Variants in UNC5B observed in about 807,000 individuals in gnomAD.
UNC5B encodes the protein netrin receptor UNC5B.
A neutral mutation model predicts 103.7 loss-of-function variants in UNC5B; 56 were observed. That is an observed-to-expected ratio of 0.54 (90% CI 0.44 to 0.67). UNC5B has a LOEUF of 0.67. Ranked by LOEUF, UNC5B falls within the 30% of genes least tolerant of loss-of-function variation. The probability of loss-of-function intolerance (pLI) is 0.00; values close to 1 mark genes in which losing one functional copy is unlikely to be tolerated. For missense variants in UNC5B, 1,194 were observed against 1,284.5 expected, an observed-to-expected ratio of 0.93 and a Z score of 1.08; for synonymous variants, 577 against 542.0, an observed-to-expected ratio of 1.06 and a Z score of -0.90.
chr10:71,262,608 C>T (rs1455358432), intron 1 of UNC5B, among the ~76,000 whole-genome samples: 1 of 152,182 alleles, frequency 6.6e-6, no homozygotes. Flanking sequence ...AGTGGGTAAA[C>T]AGGTGCCATC....
intron 4 of UNC5B, 73 bp downstream of exon 4, chr10:71,285,502 T>G (rs1845052507): frequency 7.5e-7 from 1 of 1,328,282 alleles, no homozygotes; most frequent in Admixed American, 2.3e-5. Flanking sequence ...GGCATGGTAT[T>G]TACCACCAGC....
chr10:71,227,667 CACATATATACAT>C (rs929535691), intron 1 of UNC5B, among the ~76,000 whole-genome samples: 1 of 135,318 alleles, frequency 7.4e-6, no homozygotes, highest in African/African-American at 3.4e-5. Context: ...CATATATATA[CACATATATACAT>C]ATATATACAC....
chr10:71,230,901 A>G (rs1843669083), intron 1 of UNC5B, among the ~76,000 whole-genome samples: 1 of 152,226 alleles, frequency 6.6e-6, no homozygotes, highest in African/African-American at 2.4e-5. Flanking sequence ...GGTTGTTTAT[A>G]TGGAGAGCAG....
At chr10:71,264,479 C>T (rs1238668733) in intron 1 of UNC5B, among the ~76,000 whole-genome samples, 1 of 152,220 alleles carries the variant, frequency 6.6e-6, no homozygotes. Context: ...TATTGCCACA[C>T]AGCAGGTCCT....
At position 71,286,871 on chromosome 10, in the gene UNC5B, T is replaced by C; in HGVS notation, c.733+2T>C. On this transcript the variant is annotated splice_donor_variant, in intron 5 of 16. Coordinates refer to ENST00000335350, the MANE Select transcript of UNC5B (RefSeq NM_170744.5). LOFTEE classifies it high-confidence loss of function. Reference sequence around the variant, plus strand: ...CCACTGCCACCGTCATCGTCTACGGTGCGGGCCTTTCGGAGTGGGAGGGGC... The same window carrying C: ...CCACTGCCACCGTCATCGTCTACGGCGCGGGCCTTTCGGAGTGGGAGGGGC... The C allele has an allele frequency of 1.2e-6, 2 of 1,612,270 alleles. No individual in the cohort carries two copies. Among genetic ancestry groups the C allele is most frequent in the Non-Finnish European group, 1.7e-6 (2 of 1,178,812 alleles).
chr10:71,287,538 T>C, intron 5 of UNC5B, 60 bp from the exon 6 acceptor site: 1 of 1,524,784 alleles, frequency 6.6e-7, no homozygotes, highest in Non-Finnish European at 8.8e-7. Context: ...AGGGACGGGT[T>C]TGGGGGAGGG....
intron 1 of UNC5B, among the ~76,000 whole-genome samples, chr10:71,261,149 G>A (rs1234777705): frequency 6.6e-6 from 1 of 152,216 alleles, no homozygotes. Context: ...TATGGAATAA[G>A]GGCCCCTCAG....
At position 71,253,714 on chromosome 10, in the gene UNC5B, G is replaced by A. The variant is rs10999749; in HGVS notation, c.80-26107G>A. Among the ~76,000 whole-genome samples, 5 of 152,278 alleles carry A rather than the reference G, an allele frequency of 3.3e-5. No homozygotes were observed. The South Asian group carries it at 1.0e-3, about 32-fold the overall frequency. The stretch of plus-strand genomic sequence containing the variant: ...GCTGCCAAGGGGAGGAGGGGCAGGA[G>A]AGTTGGGTGGGGGTGTGAGGGTCCT... On this transcript the variant is annotated intron_variant, in intron 1 of 16. Transcript: ENST00000335350.
At chr10:71,255,548 C>T (rs576926225) in intron 1 of UNC5B, among the ~76,000 whole-genome samples, 1 of 152,206 alleles carries the variant, frequency 6.6e-6, no homozygotes, top group African/African-American at 2.4e-5. Context: ...AGAAACACCC[C>T]CGGGCTTTAG....
chr10:71,273,037 C>T (rs879286303), intron 1 of UNC5B, among the ~76,000 whole-genome samples: 4 of 152,302 alleles, frequency 2.6e-5, no homozygotes, highest in Admixed American at 6.5e-5. Flanking sequence ...TACAGGCATC[C>T]GCCACCACAC....
chr10:71,262,547 G>C (rs1844437622), intron 1 of UNC5B, among the ~76,000 whole-genome samples: 1 of 152,180 alleles, frequency 6.6e-6, no homozygotes, highest in Non-Finnish European at 1.5e-5. Context: ...ATTCATGCAC[G>C]AAGGATTTAT....
Position 71,212,955 on chromosome 10 carries a change from G to A in UNC5B, c.-31G>A, listed in dbSNP as rs1232267308. The A allele has an allele frequency of 7.6e-7, 1 of 1,317,498 alleles. No homozygotes were observed. Among genetic ancestry groups the A allele is most frequent in the South Asian group, 2.2e-5 (1 of 45,304 alleles). The allele number at this position is 1,317,498 out of a possible 1,614,324, so 81.6% of individuals were successfully genotyped here. Reference sequence around the variant, plus strand: ...ACTGGGGCCAGGGAGACAGCCCTGGGGGAGAGGCGCCCGAACCAGGCCGCG... The same window carrying A: ...ACTGGGGCCAGGGAGACAGCCCTGGAGGAGAGGCGCCCGAACCAGGCCGCG... On this transcript the variant is annotated 5_prime_UTR_variant, in exon 1 of 17. Coordinates refer to ENST00000335350, the MANE Select transcript of UNC5B (RefSeq NM_170744.5).
Position 71,242,113 on chromosome 10 carries a change from A to G in UNC5B, c.79+29049A>G, listed in dbSNP as rs1319451280. Among the ~76,000 whole-genome samples, 7 of 152,140 alleles carry G rather than the reference A, an allele frequency of 4.6e-5. No individual in the cohort carries two copies. The East Asian group carries it at 1.4e-3, about 29-fold the overall frequency. ...GGCCAACCCCAGCCCCCTGGAGTGC[A>G]GTGGGGAGAGGACATGGGGGGGCGT... On this transcript the variant is annotated intron_variant, in intron 1 of 16. Coordinates refer to ENST00000335350, the MANE Select transcript of UNC5B (RefSeq NM_170744.5).
chr10:71,286,363 C>G (rs1205008695), intron 4 of UNC5B, among the ~76,000 whole-genome samples: 2 of 152,226 alleles, frequency 1.3e-5, no homozygotes, highest in Non-Finnish European at 2.9e-5. Context: ...TAGTTTAACT[C>G]AACTTCCTCT....
Position 71,284,874 on chromosome 10 carries a change from C to G in UNC5B, c.448+11C>G. On this transcript the variant is annotated intron_variant, in intron 3 of 16. Coordinates refer to ENST00000335350, the MANE Select transcript of UNC5B (RefSeq NM_170744.5). ...ACGTCCGCATCGCCTGTACGCCACC[C>G]TGACCCCCACCCTGTCCCTGCAGGA... 6.3e-7 allele frequency: 1 copy of G among 1,585,172 alleles called. No individual in the cohort carries two copies. The highest frequency in any genetic ancestry group is 8.6e-7 in the Non-Finnish European group (1 of 1,166,226).
chr10:71,240,807 C>A (rs996798917), intron 1 of UNC5B, among the ~76,000 whole-genome samples: 2 of 152,164 alleles, frequency 1.3e-5, no homozygotes, highest in African/African-American at 4.8e-5. Context: ...GGCTGAGAAA[C>A]CAAAAGGTTC....
intron 7 of UNC5B, 23 bp downstream of exon 7, chr10:71,288,755 C>T: frequency 6.3e-7 from 1 of 1,588,822 alleles, no homozygotes; most frequent in Non-Finnish European, 8.6e-7. Flanking sequence ...GAAGGTGGGG[C>T]CCTGGGGGTG....
At chr10:71,278,906 G>A (rs1437618802) in intron 1 of UNC5B, among the ~76,000 whole-genome samples, 1 of 152,242 alleles carries the variant, frequency 6.6e-6, no homozygotes, top group African/African-American at 2.4e-5. Flanking sequence ...TAGGTGGATT[G>A]TAAACCAGCA....
intron 1 of UNC5B, among the ~76,000 whole-genome samples, chr10:71,275,264 A>C (rs1844742306): frequency 6.6e-6 from 1 of 152,166 alleles, no homozygotes; most frequent in African/African-American, 2.4e-5. Flanking sequence ...TTGGGAAAAA[A>C]CACTTCATGT....
Sources: allele counts gnomAD v4.1 joint callset (sites outside exome capture counted in the v4.1 genomes callset), GRCh38; gene constraint gnomAD v4.1.1; transcripts MANE v1.5; gene names NCBI Gene and HGNC (gene_info 2026-07-23, HGNC 2026-07-21).